Variants in ITGA11 observed in about 807,000 individuals in gnomAD.
ITGA11 encodes integrin alpha-11.
In ITGA11, 97 loss-of-function variants were observed where a neutral mutation model predicts 141.9. The observed-to-expected ratio is 0.68, with a 90% confidence interval of 0.58 to 0.81. The LOEUF is 0.81. Ranked by LOEUF, ITGA11 falls within the 30% of genes least tolerant of loss-of-function variation. The pLI, the probability that ITGA11 is intolerant of heterozygous loss-of-function variation, is 0.00. For missense variants in ITGA11, 1,387 were observed against 1,559.2 expected, an observed-to-expected ratio of 0.89 and a Z score of 1.86; for synonymous variants, 658 against 624.6, an observed-to-expected ratio of 1.05 and a Z score of -0.80.
At chr15:68,350,891 G>C in intron 8 of ITGA11, 109 bp from the exon 9 acceptor site, 1 of 1,120,822 alleles carries the variant, frequency 8.9e-7, no homozygotes, top group Non-Finnish European at 1.3e-6. Flanking sequence ...AGCCAGGGCC[G>C]GTAGCCATGA....
chr15:68,306,252 T>G (rs1357254830), intron 28 of ITGA11, among the ~76,000 whole-genome samples: 16 of 128,100 alleles, frequency 1.2e-4, no homozygotes, highest in South Asian at 2.6e-4. Context: ...GGGGGTTGAG[T>G]GGGGGTGGAA....
At chr15:68,392,059 T>C (rs907521519) in intron 2 of ITGA11, among the ~76,000 whole-genome samples, 32 of 152,314 alleles carry the variant, frequency 2.1e-4, no homozygotes, top group African/African-American at 7.0e-4. Flanking sequence ...ACACCAGGAA[T>C]TATACCGCTG....
At chr15:68,340,023 C>T (rs1409153405) in intron 10 of ITGA11, among the ~76,000 whole-genome samples, 3 of 152,126 alleles carry the variant, frequency 2.0e-5, no homozygotes, top group African/African-American at 7.2e-5. Flanking sequence ...AGGGAAAGGG[C>T]CCCTTGCACT....
At chr15:68,413,059 T>C (rs963079397) in intron 1 of ITGA11, among the ~76,000 whole-genome samples, 1 of 152,142 alleles carries the variant, frequency 6.6e-6, no homozygotes, top group African/African-American at 2.4e-5. Flanking sequence ...CTACAGCGAA[T>C]CTCACATTTT....
chr15:68,349,851 G>A (rs989649965), intron 9 of ITGA11, among the ~76,000 whole-genome samples: 1 of 152,208 alleles, frequency 6.6e-6, no homozygotes, highest in Non-Finnish European at 1.5e-5. Context: ...GGGATTAAGG[G>A]TTTCAGAATA....
chr15:68,406,754 C>T (rs1190615165), intron 1 of ITGA11, among the ~76,000 whole-genome samples: 1 of 152,096 alleles, frequency 6.6e-6, no homozygotes. Flanking sequence ...AGTTAGAGAC[C>T]AGGATCTTCA....
intron 10 of ITGA11, among the ~76,000 whole-genome samples, chr15:68,343,880 A>G (rs1894650443): frequency 6.6e-6 from 1 of 152,218 alleles, no homozygotes; most frequent in Admixed American, 6.5e-5. Context: ...GGGTGTGGGC[A>G]GGAAAGGCCC....
rs370378363 is a variant in ITGA11, at chr15:68,425,233, G to C, written c.52+6782C>G. Reference sequence around the variant, plus strand: ...AGCAGGGCCGGTTTGATGAGCGCTTGGCCTGTACAGTGGCTGAGGGCCTCA... The same window carrying C: ...AGCAGGGCCGGTTTGATGAGCGCTTCGCCTGTACAGTGGCTGAGGGCCTCA... On this transcript the variant is annotated intron_variant, in intron 1 of 29. Transcript: ENST00000315757. Among the ~76,000 whole-genome samples, 7 of 152,212 alleles carry C rather than the reference G, an allele frequency of 4.6e-5. No individual in the cohort carries two copies. The East Asian group carries it at 9.6e-4, about 21-fold the overall frequency.
At chr15:68,350,462 T>C (rs1010937459) in intron 9 of ITGA11, among the ~76,000 whole-genome samples, 155 bp downstream of exon 9, 10 of 152,124 alleles carry the variant, frequency 6.6e-5, no homozygotes, top group Non-Finnish European at 7.4e-5. Flanking sequence ...AGTGCTGGGG[T>C]TACAGGCGTG....
chr15:68,387,526 C>T (rs780161487), intron 2 of ITGA11, among the ~76,000 whole-genome samples: 15 of 152,278 alleles, frequency 9.9e-5, no homozygotes, highest in East Asian at 3.9e-4. Context: ...CAGGGATGCA[C>T]GCTAAGGTTT....
intron 2 of ITGA11, among the ~76,000 whole-genome samples, chr15:68,377,171 CA>C (rs1453609989): frequency 2.0e-5 from 3 of 152,090 alleles, no homozygotes; most frequent in South Asian, 2.1e-4. Flanking sequence ...TTAATTGGTT[CA>C]AAAAATTCAC....
chr15:68,426,253 T>G (rs1444243464), intron 1 of ITGA11, among the ~76,000 whole-genome samples: 3 of 152,342 alleles, frequency 2.0e-5, no homozygotes, highest in South Asian at 4.1e-4. Flanking sequence ...TCATCACTTA[T>G]TAGTGCGGTT....
intron 13 of ITGA11, 61 bp downstream of exon 13, chr15:68,332,277 C>G: frequency 6.5e-7 from 1 of 1,542,426 alleles, no homozygotes; most frequent in South Asian, 1.2e-5. Flanking sequence ...GTCGTGGCTA[C>G]CCAAGTCAAA....
chr15:68,306,252 T>C (rs1357254830), intron 28 of ITGA11, among the ~76,000 whole-genome samples: 1 of 128,094 alleles, frequency 7.8e-6, no homozygotes, highest in Non-Finnish European at 1.6e-5. Flanking sequence ...GGGGGTTGAG[T>C]GGGGGTGGAA....
chr15:68,397,889 T>C (rs1271867354), intron 2 of ITGA11, among the ~76,000 whole-genome samples: 1 of 148,316 alleles, frequency 6.7e-6, no homozygotes, highest in Non-Finnish European at 1.5e-5. Flanking sequence ...CAGAATTTCA[T>C]ATCCAGCCAA....
At chr15:68,334,321 GGA>G (rs1216256228) in intron 12 of ITGA11, among the ~76,000 whole-genome samples, 1 of 152,218 alleles carries the variant, frequency 6.6e-6, no homozygotes, top group Non-Finnish European at 1.5e-5. Context: ...CATGCTGCTA[GGA>G]GAGAGAGTCA....
chr15:68,366,631 C>T lies in ITGA11; in HGVS notation c.266-1833G>A, dbSNP rs568931475. On this transcript the variant is annotated intron_variant, in intron 3 of 29. Transcript: ENST00000315757. ...TGTGCAGCTGGCTGAGACAGAGGGG[C>T]AGGGGAGGAAAAATCCCTGTGTTGG... 2.8e-3 allele frequency among the ~76,000 whole-genome samples: 423 copies of T among 152,198 alleles called. 1 individual carries two copies. Among genetic ancestry groups the T allele is most frequent in the African/African-American group, 7.5e-3 (310 of 41,506 alleles).
In ITGA11 at chr15:68,313,683, C is replaced by T; in HGVS notation, c.2882+96G>A. The T allele has an allele frequency of 4.4e-6, 4 of 905,390 alleles. No homozygotes were observed. The South Asian group carries it at 6.1e-5, about 14-fold the overall frequency. 56.1% of individuals were successfully genotyped at this position (905,390 alleles called of 1,614,324 possible). ...ATAGTCCCTTAGTGCTGGGGTCTGG[C>T]CCTATTAGGGCCCATCAGAGGATGC... On this transcript the variant is annotated intron_variant, in intron 23 of 29. Coordinates refer to ENST00000315757, the MANE Select transcript of ITGA11 (RefSeq NM_001004439.2).
Position 68,313,877 on chromosome 15 carries a change from A to G in ITGA11, c.2793-9T>C. 1 of 1,613,106 alleles carries G rather than the reference A, an allele frequency of 6.2e-7. No homozygotes were observed. The highest frequency in any genetic ancestry group is 8.5e-7 in the Non-Finnish European group (1 of 1,179,126). ...CCCGCTCATTACTGTCACTGCAAGG[A>G]GAGCCAGGCGGCAAGGTCAGGAAGG... On this transcript the variant is annotated splice_polypyrimidine_tract_variant and intron_variant, in intron 22 of 29. Transcript: ENST00000315757.
Sources: allele counts gnomAD v4.1 joint callset (sites outside exome capture counted in the v4.1 genomes callset), GRCh38; gene constraint gnomAD v4.1.1; transcripts MANE v1.5; gene names NCBI Gene and HGNC (gene_info 2026-07-23, HGNC 2026-07-21).